The following CFAP20DC variants were observed in gnomAD, a reference collection of about 807,000 sequenced individuals.
CFAP20DC encodes the protein CFAP20 domain containing.
A neutral mutation model predicts 101.7 loss-of-function variants in CFAP20DC; 84 were observed. That is an observed-to-expected ratio of 0.83 (90% confidence interval 0.69 to 0.99). The LOEUF is 0.99. Ranked by LOEUF, CFAP20DC falls within the 50% of genes least tolerant of loss-of-function variation. The pLI, the probability that CFAP20DC is intolerant of heterozygous loss-of-function variation, is 0.00. For synonymous variants in CFAP20DC, 359 were observed against 351.2 expected, an observed-to-expected ratio of 1.02 and a Z score of -0.25; for missense variants, 1,007 against 970.3, an observed-to-expected ratio of 1.04 and a Z score of -0.50.
At chr3:58,817,224 G>A (rs1414783745) in intron 14 of CFAP20DC, among the ~76,000 whole-genome samples, 3 of 152,096 alleles carry the variant, frequency 2.0e-5, no homozygotes, top group Admixed American at 6.6e-5. Context: ...ACTCTAAAAC[G>A]CAGAGCGCCT....
intron 13 of CFAP20DC, among the ~76,000 whole-genome samples, chr3:58,845,573 C>T (rs1021004629): frequency 6.3e-4 from 96 of 152,188 alleles, no homozygotes; most frequent in Non-Finnish European, 1.1e-3. Context: ...CAGCCGAATT[C>T]TACCAGAGGT....
intron 14 of CFAP20DC, among the ~76,000 whole-genome samples, chr3:58,816,807 C>T (rs924202960): frequency 6.6e-6 from 1 of 152,180 alleles, no homozygotes; most frequent in Non-Finnish European, 1.5e-5. Flanking sequence ...GGAGGCCTGC[C>T]TGCCTCTGTA....
chr3:58,749,279 T>C lies in CFAP20DC; in HGVS notation c.2332+4490A>G, dbSNP rs1053255677. On this transcript the variant is annotated intron_variant, in intron 16 of 16. Transcript: ENST00000482387. The stretch of plus-strand genomic sequence containing the variant: ...TTTTAGACTCAGAGTATTAGGTAAA[T>C]GTCAAAGAATTATGTGGCAGTTAAT... 5.3e-5 allele frequency among the ~76,000 whole-genome samples: 8 copies of C among 152,134 alleles called. No homozygotes were observed. The East Asian group carries it at 1.5e-3, about 29-fold the overall frequency.
In CFAP20DC at chr3:58,729,068, A is replaced by G. The variant is rs35370338; in HGVS notation, c.198-11440T>C. ...GAGAGGCCCATATCCCAGCTCAAGT[A>G]AAACCTTCAGATGGCTGCAGTCTGG... On this transcript the variant is annotated intron_variant, in intron 3 of 3. Coordinates refer to the CFAP20DC transcript ENST00000486145. This position sits in a 1 kb window ranked among gnomAD's most constrained non-coding sequence, Gnocchi z 4.4. Among the ~76,000 whole-genome samples, 16,968 of 152,184 alleles carry G rather than the reference A, an allele frequency of 0.11. 1,164 individuals are homozygous for G. Among genetic ancestry groups the G allele is most frequent in the Middle Eastern group, 0.2 (58 of 294 alleles).
chr3:58,907,867 C>A (rs1358674179), intron 6 of CFAP20DC, among the ~76,000 whole-genome samples: 1 of 152,168 alleles, frequency 6.6e-6, no homozygotes, highest in Non-Finnish European at 1.5e-5. Context: ...GGGTTATACA[C>A]CACAGCACCT....
intron 16 of CFAP20DC, among the ~76,000 whole-genome samples, chr3:58,744,951 T>TA (rs2068094646): frequency 6.6e-6 from 1 of 152,166 alleles, no homozygotes; most frequent in Non-Finnish European, 1.5e-5. Flanking sequence ...TGAGCTTCTG[T>TA]GACTCTGGGC....
chr3:58,859,118 C>G lies in CFAP20DC; in HGVS notation c.1593+4440G>C, dbSNP rs930765948. Among the ~76,000 whole-genome samples, 1 of 152,102 alleles carries G rather than the reference C, an allele frequency of 6.6e-6. No homozygotes were observed. Among genetic ancestry groups the G allele is most frequent in the Non-Finnish European group, 1.5e-5 (1 of 68,022 alleles). On this transcript the variant is annotated intron_variant, in intron 12 of 16. Coordinates refer to ENST00000482387, the MANE Select transcript of CFAP20DC (RefSeq NM_001394063.1). The surrounding 1 kb of genome is among the most constrained non-coding windows in gnomAD (Gnocchi z 4.1). ...TAGTTGTGTCTTATAATACATTTTA[C>G]GAGTTTGTAAACAAATAAAATAAAA... is the stretch of plus-strand genomic sequence containing the variant.
rs146684467 is a variant in CFAP20DC at position 58,987,620 on chromosome 3, A to G, written c.279-49858T>C. Among the ~76,000 whole-genome samples, 268 of 152,178 alleles carry G rather than the reference A, an allele frequency of 1.8e-3. 3 individuals are homozygous for G. Among genetic ancestry groups the G allele is most frequent in the African/African-American group, 6.0e-3 (249 of 41,576 alleles). ...AATATTAGAAATTTAAAAATACAGT[A>G]TCAGCATTGTACAGATACAGCAGAG... is the stretch of plus-strand genomic sequence containing the variant. On this transcript the variant is annotated intron_variant, in intron 4 of 16. Coordinates refer to ENST00000482387, the MANE Select transcript of CFAP20DC (RefSeq NM_001394063.1).
intron 15 of CFAP20DC, among the ~76,000 whole-genome samples, chr3:58,767,219 C>T (rs1435876307): frequency 6.6e-6 from 1 of 152,194 alleles, no homozygotes; most frequent in Non-Finnish European, 1.5e-5. Context: ...TTGTAACCCA[C>T]TCTGCATTCT....
At chr3:58,834,353 G>A (rs1039408744) in intron 13 of CFAP20DC, among the ~76,000 whole-genome samples, 5 of 152,074 alleles carry the variant, frequency 3.3e-5, no homozygotes, top group South Asian at 4.1e-4. Context: ...GTGTCACATA[G>A]GTATGTTAGT....
At chr3:58,784,010 T>G (rs944312765) in intron 15 of CFAP20DC, among the ~76,000 whole-genome samples, 2 of 151,824 alleles carry the variant, frequency 1.3e-5, no homozygotes, top group African/African-American at 4.8e-5. Flanking sequence ...TTCCCTCCCT[T>G]CCACCACTAG....
rs2079108162 is a variant in CFAP20DC, at chr3:58,859,914, C to T, written c.1593+3644G>A. Among the ~76,000 whole-genome samples the T allele has an allele frequency of 6.6e-6, 1 of 152,124 alleles. No individual in the cohort carries two copies. Among genetic ancestry groups the T allele is most frequent in the Non-Finnish European group, 1.5e-5 (1 of 68,026 alleles). The stretch of plus-strand genomic sequence containing the variant: ...CATTACTTGGCCAGGCGCGATGGCT[C>T]ATGCCTGTAATCCCAGCACTTTCGG... On this transcript the variant is annotated intron_variant, in intron 12 of 16. Transcript: ENST00000482387. This position sits in a 1 kb window ranked among gnomAD's most constrained non-coding sequence, Gnocchi z 4.1.
intron 14 of CFAP20DC, among the ~76,000 whole-genome samples, chr3:58,824,101 T>G (rs181503499): frequency 6.6e-6 from 1 of 152,278 alleles, no homozygotes; most frequent in Admixed American, 6.5e-5. Context: ...TCGTATATCA[T>G]TTCTATAGTT....
intron 4 of CFAP20DC, among the ~76,000 whole-genome samples, chr3:58,969,092 G>A (rs892729027): frequency 6.6e-6 from 1 of 152,056 alleles, no homozygotes; most frequent in African/African-American, 2.4e-5. Flanking sequence ...CCAGTACCAT[G>A]CGTTTTGGTT....
chr3:58,873,809 T>C (rs557405121), intron 7 of CFAP20DC, among the ~76,000 whole-genome samples: 1 of 152,110 alleles, frequency 6.6e-6, no homozygotes, highest in South Asian at 2.1e-4. Context: ...GAAGTCTGGA[T>C]AGCTGTTCTG....
At chr3:59,049,567 AGAG>A in intron 1 of CFAP20DC, 41 bp downstream of exon 1, 1 of 1,518,350 alleles carries the variant, frequency 6.6e-7, no homozygotes. Flanking sequence ...ACCTCACCCA[AGAG>A]GAGAAAGGTA....
intron 4 of CFAP20DC, among the ~76,000 whole-genome samples, chr3:59,005,334 A>C (rs1384493124): frequency 6.6e-6 from 1 of 152,198 alleles, no homozygotes; most frequent in Non-Finnish European, 1.5e-5. Context: ...AGCCAGGCCT[A>C]GTAACTCCAA....
At chr3:58,854,153 C>T (rs555094959) in intron 12 of CFAP20DC, among the ~76,000 whole-genome samples, 4 of 152,182 alleles carry the variant, frequency 2.6e-5, no homozygotes, top group African/African-American at 9.6e-5. Context: ...GATACAAAAT[C>T]AATGTACAAA....
chr3:58,952,942 G>GA (rs887346388), intron 4 of CFAP20DC, among the ~76,000 whole-genome samples: 59 of 152,018 alleles, frequency 3.9e-4, no homozygotes, highest in African/African-American at 1.3e-3. Context: ...ATTTCACAGT[G>GA]AAAAAAACAA....
Sources: gnomAD v4.1 joint callset for allele counts (sites outside exome capture counted in the v4.1 genomes callset) on GRCh38, gnomAD v4.1.1 for gene constraint, Gnocchi (gnomAD v3.1) non-coding constraint, MANE v1.5 for transcripts, NCBI Gene and HGNC (gene_info 2026-07-23, HGNC 2026-07-21) for gene names.